Variants in ZNF197 observed in about 807,000 individuals in gnomAD.
ZNF197 encodes zinc finger protein 197, also known as VHL-associated KRAB-A domain-containing protein.
Under a neutral mutation model 27.4 loss-of-function variants are expected in ZNF197, and 14 were observed. The observed-to-expected ratio is 0.51, with a 90% CI of 0.34 to 0.80. The LOEUF (loss-of-function observed/expected upper bound fraction) is 0.80, where lower values mean the gene tolerates loss of function less well. Among genes scored for constraint, ZNF197 ranks in the 30% least tolerant of loss-of-function variants. The pLI is 0.02. For synonymous variants in ZNF197, 415 were observed against 420.0 expected (o/e 0.99, Z 0.15); for missense variants, 1,090 against 1,222.6 (o/e 0.89, Z 1.62).
At chr3:44,633,504 C>T (rs4682987) in intron 5 of ZNF197, among the ~76,000 whole-genome samples, 58,944 of 152,060 alleles carry the variant, frequency 0.39, 12,517 homozygotes, top group East Asian at 0.81. Context: ...TAGCAAAGGC[C>T]ATAAAGGAGG....
intron 2 of ZNF197, among the ~76,000 whole-genome samples, chr3:44,629,934 C>G (rs1701889394): frequency 6.6e-6 from 1 of 152,152 alleles, no homozygotes; most frequent in Admixed American, 6.6e-5. Context: ...GTATAAAAGG[C>G]AATAGCAGGC....
At chr3:44,634,246 C>T (rs181111783) in intron 5 of ZNF197, among the ~76,000 whole-genome samples, 241 of 152,182 alleles carry the variant, frequency 1.6e-3, no homozygotes, top group African/African-American at 5.5e-3. Flanking sequence ...GGTCATTTTA[C>T]TCCTATTCAT....
Position 44,646,401 on chromosome 3 carries a change from C to T in ZNF197, c.*2181C>T. On this transcript the variant is annotated 3_prime_UTR_variant, in exon 6 of 6. Transcript: ENST00000344387. ...AAATGTCACATTGCTTAGATTGAGA[C>T]AGCCCACATAATGTGCCACCTTCTG... is the stretch of plus-strand genomic sequence containing the variant. 2.5e-6 allele frequency: 4 copies of T among 1,599,740 alleles called. No individual in the cohort carries two copies. The South Asian group carries it at 4.5e-5, about 18-fold the overall frequency.
chr3:44,628,076 A>G (rs760868130), intron 1 of ZNF197, among the ~76,000 whole-genome samples: 1 of 152,188 alleles, frequency 6.6e-6, no homozygotes, highest in Non-Finnish European at 1.5e-5. Context: ...TCAGCCCAAC[A>G]ATTTTCTCCT....
Position 44,645,579 on chromosome 3 carries a change from C to T in ZNF197, c.*1359C>T, listed in dbSNP as rs568797367. Reference sequence around the variant, plus strand: ...TTGAAACTTAACAGATGGAGAGTGTCAAAATGGAAGGGCAGTGGTACCCTG... The same window carrying T: ...TTGAAACTTAACAGATGGAGAGTGTTAAAATGGAAGGGCAGTGGTACCCTG... On this transcript the variant is annotated 3_prime_UTR_variant, in exon 6 of 6. Transcript: ENST00000344387. 2.1e-4 allele frequency: 206 copies of T among 985,200 alleles called. No homozygotes were observed. Among genetic ancestry groups the T allele is most frequent in the Non-Finnish European group, 8.9e-5 (74 of 829,910 alleles). The allele number at this position is 985,200 out of a possible 1,614,324, so 61.0% of individuals were successfully genotyped here.
chr3:44,626,599 A>G (rs1701677151), intron 1 of ZNF197, among the ~76,000 whole-genome samples: 1 of 152,272 alleles, frequency 6.6e-6, no homozygotes, highest in African/African-American at 2.4e-5. Flanking sequence ...TAGTTACTTT[A>G]AAAAATATAC....
intron 1 of ZNF197, among the ~76,000 whole-genome samples, chr3:44,627,047 A>G (rs906379438): frequency 1.3e-5 from 2 of 152,180 alleles, no homozygotes; most frequent in Admixed American, 6.5e-5. Flanking sequence ...GAAGAGGAAA[A>G]TGTACCACGT....
chr3:44,641,068 C>G (rs1255733743), intron 5 of ZNF197, among the ~76,000 whole-genome samples: 1 of 152,200 alleles, frequency 6.6e-6, no homozygotes, highest in African/African-American at 2.4e-5. Context: ...CTCATAATTT[C>G]TCTCACACTT....
rs1408841308 is a variant in ZNF197, at chr3:44,644,360, CG to C, written c.*143del. The C allele has an allele frequency of 2.8e-5, 40 of 1,405,364 alleles. 1 individual carries two copies. The Middle Eastern group carries it at 1.0e-3, about 35-fold the overall frequency. 87.1% of individuals were successfully genotyped at this position (1,405,364 alleles called of 1,614,324 possible). ...AGCATATAGAAGAAAGTTAATAGGC[CG>C]GGCTTGGTGGCTCATGCCTGTAATC... On this transcript the variant is annotated 3_prime_UTR_variant, in exon 6 of 6. Transcript: ENST00000344387.
intron 1 of ZNF197, 87 bp from the exon 2 acceptor site, chr3:44,628,987 G>A (rs1315564521): frequency 1.4e-5 from 13 of 956,874 alleles, no homozygotes; most frequent in Non-Finnish European, 1.8e-5. Context: ...CTTTATTACT[G>A]GGAGCTGACT....
In ZNF197 at chr3:44,647,362, A is replaced by G. The variant is rs1338225364; in HGVS notation, c.*3142A>G. ...ATCTCATACATTGCTGGGAATGTAA[A>G]ATGGTACAGCCACTCTGGAATATAA... On this transcript the variant is annotated 3_prime_UTR_variant, in exon 6 of 6. Transcript: ENST00000344387. 1 of 152,150 alleles carries G rather than the reference A, an allele frequency of 6.6e-6. No homozygotes were observed. Among genetic ancestry groups the G allele is most frequent in the African/African-American group, 2.4e-5 (1 of 41,424 alleles). 9.4% of individuals were successfully genotyped at this position (152,150 alleles called of 1,614,324 possible).
Position 44,643,094 on chromosome 3 carries a change from G to A in ZNF197, c.1964G>A (p.Cys655Tyr), listed in dbSNP as rs752331405. The A allele has an allele frequency of 6.2e-7, 1 of 1,613,924 alleles. No homozygotes were observed. The highest frequency in any genetic ancestry group is 8.5e-7 in the Non-Finnish European group (1 of 1,179,960). Residue 655 changes from cysteine to tyrosine, a missense_variant, in exon 6 of 6, where the codon TGT becomes TAT. Transcript: ENST00000344387. ...NGEKPYECNECGKVFILKKSL... is the reference protein window; with the variant it reads ...NGEKPYECNEYGKVFILKKSL... The stretch of plus-strand genomic sequence containing the variant: ...GAGAAGCCCTATGAATGTAATGAAT[G>A]TGGGAAAGTTTTTATTCTGAAGAAG...
rs954089990 is a variant in ZNF197, at chr3:44,625,760, A to G, written c.-82+617A>G. On this transcript the variant is annotated intron_variant, in intron 1 of 5. Coordinates refer to ENST00000344387, the MANE Select transcript of ZNF197 (RefSeq NM_006991.5). ...TTTGCGCGCGCGCGCGCACACACAC[A>G]CACACACACACACACACACACACAC... Among the ~76,000 whole-genome samples the G allele has an allele frequency of 7.5e-3, 925 of 123,874 alleles. 6 individuals carry two copies. Among genetic ancestry groups the G allele is most frequent in the African/African-American group, 0.016 (593 of 37,388 alleles). The allele number at this position is 123,874 out of a possible 152,430, so 81.3% of individuals were successfully genotyped here. A position where few individuals can be genotyped will look rare whatever the true frequency, so the allele number is the denominator to read the frequency against.
intron 1 of ZNF197, among the ~76,000 whole-genome samples, chr3:44,627,338 C>G (rs774095297): frequency 1.2e-4 from 18 of 152,148 alleles, no homozygotes; most frequent in Non-Finnish European, 2.2e-4. Context: ...CTCTCAAGAG[C>G]AGTAGTTAGA....
At position 44,644,232 on chromosome 3, in the gene ZNF197, A is replaced by G; in HGVS notation, c.*12A>G. On this transcript the variant is annotated 3_prime_UTR_variant, in exon 6 of 6. Transcript: ENST00000344387. ...TTCAGAAAATCTAGTGTCATATGTA[A>G]AATGGAATAGAATCCCTGCCTACTT... 1 of 1,566,098 alleles carries G rather than the reference A, an allele frequency of 6.4e-7. No individual in the cohort carries two copies. The highest frequency in any genetic ancestry group is 8.6e-7 in the Non-Finnish European group (1 of 1,161,042).
chr3:44,646,825 G>A lies in ZNF197; in HGVS notation c.*2605G>A. 1 of 327,054 alleles carries A rather than the reference G, an allele frequency of 3.1e-6. No homozygotes were observed. The highest frequency in any genetic ancestry group is 5.7e-6 in the Non-Finnish European group (1 of 176,550). The allele number at this position is 327,054 out of a possible 1,614,324, so 20.3% of individuals were successfully genotyped here. On this transcript the variant is annotated 3_prime_UTR_variant, in exon 6 of 6. Coordinates refer to ENST00000344387, the MANE Select transcript of ZNF197 (RefSeq NM_006991.5). Reference sequence around the variant, plus strand: ...TAAATGGCCAATTGATTTTTGACAGGGGCAAAAGCAATTCAATGGAGGAGG... The same window carrying A: ...TAAATGGCCAATTGATTTTTGACAGAGGCAAAAGCAATTCAATGGAGGAGG...
rs764111114 is a variant in ZNF197, at chr3:44,629,245, C to T, written c.91C>T (p.Gln31Ter). ...TACCTGGAAATGGGGAACCAGCTTC[C>T]AAGGAAGTAGCTCCTCTGTTTGGGA... ...DDTWKWGTSF[Q>*]GSSSSVWETS... Residue 31 changes from glutamine (Q) to a stop codon, truncating the protein, a stop_gained, in exon 2 of 6, where the codon CAA (glutamine) becomes TAA (stop). Coordinates refer to ENST00000344387, the MANE Select transcript of ZNF197 (RefSeq NM_006991.5). LOFTEE classifies it high-confidence loss of function. 3.1e-6 allele frequency: 5 copies of T among 1,614,134 alleles called. No individual in the cohort carries two copies. The highest frequency in any genetic ancestry group is 2.5e-6 in the Non-Finnish European group (3 of 1,180,020).
intron 3 of ZNF197, among the ~76,000 whole-genome samples, chr3:44,631,556 G>A (rs1702001060): frequency 1.3e-5 from 2 of 150,492 alleles, no homozygotes; most frequent in African/African-American, 4.9e-5. Flanking sequence ...GCCCGCCACT[G>A]TGCCCGGCTA....
At position 44,643,393 on chromosome 3, in the gene ZNF197, A is replaced by G. The variant is rs1320889411; in HGVS notation, c.2263A>G (p.Ile755Val). Reference sequence around the variant, plus strand: ...TTCAAGCCTGCTTGTACATCGGAGAATCCACACCGGAGAAAAACCCTTTGA... The same window carrying G: ...TTCAAGCCTGCTTGTACATCGGAGAGTCCACACCGGAGAAAAACCCTTTGA... ...YNSSLLVHRR[I>V]HTGEKPFECS... Residue 755 changes from isoleucine (I) to valine (V), a missense_variant, in exon 6 of 6, where the codon ATC becomes GTC. By Grantham distance (29) the Ile-to-Val change is conservative. Transcript: ENST00000344387. 1 of 1,614,086 alleles carries G rather than the reference A, an allele frequency of 6.2e-7. No homozygotes were observed. The highest frequency in any genetic ancestry group is 1.3e-5 in the African/African-American group (1 of 74,930).
Sources: gnomAD v4.1 joint callset for allele counts (sites outside exome capture counted in the v4.1 genomes callset) on GRCh38, gnomAD v4.1.1 for gene constraint, MANE v1.5 for transcripts, NCBI Gene and HGNC (gene_info 2026-07-23, HGNC 2026-07-21) for gene names.